KLHL29: variants seen among roughly 807,000 people sequenced by gnomAD.
KLHL29 encodes the protein kelch like family member 29.
In KLHL29, 21 loss-of-function variants were observed where a neutral mutation model predicts 80.4. The ratio of observed to expected loss-of-function variants is 0.26; its 90% CI spans 0.19 to 0.38. KLHL29 has a LOEUF of 0.38. Among genes scored for constraint, KLHL29 ranks in the 10% least tolerant of loss-of-function variants. The probability of loss-of-function intolerance (pLI) is 1.00; values close to 1 mark genes in which losing one functional copy is unlikely to be tolerated. For missense variants in KLHL29, 867 were observed against 1,223.9 expected (o/e 0.71, Z 4.35); for synonymous variants, 511 against 526.8 (o/e 0.97, Z 0.41).
chr2:23,463,897 T>C (rs1395991796), intron 1 of KLHL29, among the ~76,000 whole-genome samples: 2 of 152,242 alleles, frequency 1.3e-5, no homozygotes, highest in Non-Finnish European at 2.9e-5. Context: ...CTGAAATGTG[T>C]TTAACAATCA....
rs1307316586 is a variant in KLHL29, at chr2:23,706,499, C to A, written c.2463C>A (p.Gly821=). The stretch of plus-strand genomic sequence containing the variant: ...CCAACAGTGCTGTGGTGCTTGATGG[C>A]AAGATTTATGCAACTGGAGGTATTG... ...RQFCSAVVLD[G]KIYATGGIVS... The change falls in exon 14 of 14, where the codon GGC becomes GGA. Residue 821 remains glycine (G), a synonymous_variant. Coordinates refer to ENST00000486442, the MANE Select transcript of KLHL29 (RefSeq NM_052920.2). 1 of 1,530,848 alleles carries A rather than the reference C, an allele frequency of 6.5e-7. No homozygotes were observed. The highest frequency in any genetic ancestry group is 2.0e-5 in the Admixed American group (1 of 50,206). The allele number at this position is 1,530,848 out of a possible 1,614,324, so 94.8% of individuals were successfully genotyped here.
Position 23,684,587 on chromosome 2 carries a change from T to C in KLHL29, c.1079+50T>C. On this transcript the variant is annotated intron_variant, in intron 6 of 13. Coordinates refer to ENST00000486442, the MANE Select transcript of KLHL29 (RefSeq NM_052920.2). This position sits in a 1 kb window ranked among gnomAD's most constrained non-coding sequence, Gnocchi z 4.4. ...CGGGTCTGTTCCTTTGTAGGACGCT[T>C]TTGTGTCGCTTTTCTCTTCCCCTCT... is the stretch of plus-strand genomic sequence containing the variant. 1.4e-6 allele frequency: 2 copies of C among 1,468,594 alleles called. No individual in the cohort carries two copies. Among genetic ancestry groups the C allele is most frequent in the Non-Finnish European group, 1.8e-6 (2 of 1,103,508 alleles). The allele number at this position is 1,468,594 out of a possible 1,614,324, so 91.0% of individuals were successfully genotyped here.
At position 23,583,617 on chromosome 2, in the gene KLHL29, G is replaced by A. The variant is rs190062530; in HGVS notation, c.285+21136G>A. Among the ~76,000 whole-genome samples, 855 of 152,340 alleles carry A rather than the reference G, an allele frequency of 5.6e-3. 3 individuals are homozygous for A. The highest frequency in any genetic ancestry group is 9.4e-3 in the Non-Finnish European group (639 of 68,030). On this transcript the variant is annotated intron_variant, in intron 3 of 13. Coordinates refer to ENST00000486442, the MANE Select transcript of KLHL29 (RefSeq NM_052920.2). ...GCAGTGGTGTCTCCAAGGAGGGGCA[G>A]ACTTGTGAGTAGGATCAGACACTCG...
chr2:23,533,991 G>A (rs965796145), intron 2 of KLHL29, among the ~76,000 whole-genome samples: 2 of 149,760 alleles, frequency 1.3e-5, no homozygotes, highest in Admixed American at 6.6e-5. Flanking sequence ...AGCTCTTTTT[G>A]GGGTATGTAA....
At chr2:23,439,402 T>C (rs898656395) in intron 1 of KLHL29, among the ~76,000 whole-genome samples, 1 of 151,810 alleles carries the variant, frequency 6.6e-6, no homozygotes, top group Non-Finnish European at 1.5e-5. Context: ...ATTGTGATGT[T>C]AGGGTGTCAA....
At chr2:23,400,813 G>A (rs1162806325) in intron 1 of KLHL29, among the ~76,000 whole-genome samples, 2 of 152,214 alleles carry the variant, frequency 1.3e-5, no homozygotes, top group African/African-American at 2.4e-5. Context: ...CAGCCTGAGT[G>A]CTATAGCAAG....
At chr2:23,636,816 C>A (rs952023070) in intron 3 of KLHL29, among the ~76,000 whole-genome samples, 7 of 152,136 alleles carry the variant, frequency 4.6e-5, no homozygotes, top group Admixed American at 3.9e-4. Context: ...TTAGGGTGAC[C>A]GTTGGAACTC....
At chr2:23,653,777 G>A (rs1012105502) in intron 5 of KLHL29, among the ~76,000 whole-genome samples, 1 of 152,118 alleles carries the variant, frequency 6.6e-6, no homozygotes, top group Non-Finnish European at 1.5e-5. Context: ...AACTCTCCTG[G>A]GCAGATTTCC....
At chr2:23,557,392 C>T (rs981039236) in intron 2 of KLHL29, among the ~76,000 whole-genome samples, 2 of 152,120 alleles carry the variant, frequency 1.3e-5, no homozygotes, top group African/African-American at 2.4e-5. Flanking sequence ...GAAGTCTCAC[C>T]GAAAGGCTGG....
At chr2:23,639,957 A>G (rs1006443628) in intron 4 of KLHL29, among the ~76,000 whole-genome samples, 2 of 152,110 alleles carry the variant, frequency 1.3e-5, no homozygotes, top group Non-Finnish European at 2.9e-5. Context: ...TGCCCCCTGC[A>G]TCCCTCTTGA....
chr2:23,630,363 G>C (rs1004437846), intron 3 of KLHL29, among the ~76,000 whole-genome samples: 2 of 152,212 alleles, frequency 1.3e-5, no homozygotes, highest in African/African-American at 4.8e-5. Context: ...GGCCACAGCC[G>C]GGGAGGCTGG....
chr2:23,608,238 A>C (rs1478135218), intron 3 of KLHL29, among the ~76,000 whole-genome samples: 1 of 152,246 alleles, frequency 6.6e-6, no homozygotes, highest in African/African-American at 2.4e-5. Flanking sequence ...GTCTGTAAAC[A>C]TGAAAATAAC....
At chr2:23,609,342 G>A (rs1050701221) in intron 3 of KLHL29, among the ~76,000 whole-genome samples, 10 of 152,104 alleles carry the variant, frequency 6.6e-5, no homozygotes, top group South Asian at 4.1e-4. Context: ...CCCTGGAGAC[G>A]CCTGGTGAAG....
intron 2 of KLHL29, among the ~76,000 whole-genome samples, chr2:23,500,727 T>A (rs1479846571): frequency 6.6e-6 from 1 of 152,206 alleles, no homozygotes; most frequent in African/African-American, 2.4e-5. Flanking sequence ...GAAACATAAT[T>A]TACTATTTCC....
chr2:23,651,889 C>T (rs1360387860), intron 5 of KLHL29, among the ~76,000 whole-genome samples: 2 of 152,188 alleles, frequency 1.3e-5, no homozygotes, highest in Non-Finnish European at 2.9e-5. Flanking sequence ...AGAAGGACAG[C>T]AGTCCGACTG....
chr2:23,639,815 C>T (rs753299400), intron 4 of KLHL29, among the ~76,000 whole-genome samples: 1 of 152,198 alleles, frequency 6.6e-6, no homozygotes, highest in Non-Finnish European at 1.5e-5. Context: ...TGGCCCTCCA[C>T]ACAACAGCCC....
Position 23,691,337 on chromosome 2 carries a change from C to G in KLHL29, c.1080-337C>G, listed in dbSNP as rs563143266. Reference sequence around the variant, plus strand: ...GCGTCGGCCTGCTTTGGTGGAGACACCAGGGCCTGCAGTGGGCTGAACCGT... The same window carrying G: ...GCGTCGGCCTGCTTTGGTGGAGACAGCAGGGCCTGCAGTGGGCTGAACCGT... On this transcript the variant is annotated intron_variant, in intron 6 of 13. Coordinates refer to ENST00000486442, the MANE Select transcript of KLHL29 (RefSeq NM_052920.2). 1.8e-4 allele frequency: 62 copies of G among 338,780 alleles called. 1 individual carries two copies. Among genetic ancestry groups the G allele is most frequent in the African/African-American group, 1.2e-3 (56 of 46,938 alleles). 21.0% of individuals were successfully genotyped at this position (338,780 alleles called of 1,614,324 possible).
In KLHL29 at chr2:23,706,827, A is replaced by G. The variant is rs977251728; in HGVS notation, c.*163A>G. 46 of 554,574 alleles carry G rather than the reference A, an allele frequency of 8.3e-5. No individual in the cohort carries two copies. In the Admixed American group the frequency reaches 1.1e-3, roughly 14 times the overall value. 34.4% of individuals were successfully genotyped at this position (554,574 alleles called of 1,614,324 possible). Reference sequence around the variant, plus strand: ...TTCTCTACATTGAATGTAGAAAATCATCCTCGCCTTTGGATGAAACGGAGG... The same window carrying G: ...TTCTCTACATTGAATGTAGAAAATCGTCCTCGCCTTTGGATGAAACGGAGG... On this transcript the variant is annotated 3_prime_UTR_variant, in exon 14 of 14. Transcript: ENST00000486442.
At chr2:23,661,533 G>GC (rs1280228134) in intron 5 of KLHL29, among the ~76,000 whole-genome samples, 3 of 152,202 alleles carry the variant, frequency 2.0e-5, no homozygotes, top group Non-Finnish European at 4.4e-5. Flanking sequence ...CTGGGGCTGG[G>GC]CCCGAACCCC....
Sources: allele counts gnomAD v4.1 joint callset (sites outside exome capture counted in the v4.1 genomes callset), GRCh38; gene constraint gnomAD v4.1.1; non-coding constraint Gnocchi (gnomAD v3.1); transcripts MANE v1.5; gene names NCBI Gene and HGNC (gene_info 2026-07-23, HGNC 2026-07-21).